SSX1: variants seen among roughly 807,000 people sequenced by gnomAD.
SSX1 encodes the protein SSX family member 1.
Under a neutral mutation model 14.6 loss-of-function variants are expected in SSX1, and 58 were observed. The observed-to-expected ratio is 3.96, with a 90% CI of 3.21 to 4.93. SSX1 has a LOEUF of 4.93. Among genes scored for constraint, SSX1 ranks in the 30% most tolerant of loss-of-function variants. The pLI is 0.00. For missense variants in SSX1, 272 were observed against 143.1 expected (o/e 1.90, Z -4.60); for synonymous variants, 46 against 52.1 (o/e 0.88, Z 0.50).
At chrX:48,255,506 C>T (rs1389795939) in intron 1 of SSX1, 74 bp downstream of exon 1, 2 of 109,729 alleles carry the variant, frequency 1.8e-5, no homozygotes, top group African/African-American at 6.6e-5. Flanking sequence ...TCTGTAGGGC[C>T]GTCAAGTGCT....
In SSX1 at chrX:48,263,887, A is replaced by G. The variant is rs1556935969; in HGVS notation, c.436A>G (p.Asn146Asp). 2.5e-6 allele frequency: 3 copies of G among 1,211,451 alleles called. No homozygotes were observed. The highest frequency in any genetic ancestry group is 1.8e-5 in the South Asian group (1 of 56,909). The change falls in exon 6 of 8, where the codon AAT becomes GAT. Residue 146 changes from asparagine to aspartate, a missense_variant. Transcript: ENST00000376919. Reference sequence around the variant, plus strand: ...ACAACTGCACCCCCCAGGAAAAGCAAATATTTCTGAGAAGATTAATAAGAG... The same window carrying G: ...ACAACTGCACCCCCCAGGAAAAGCAGATATTTCTGAGAAGATTAATAAGAG... ...GKQLHPPGKA[N>D]ISEKINKRSG...
At chrX:48,262,575 C>T (rs1367863935) in intron 5 of SSX1, among the ~76,000 whole-genome samples, 8 of 111,036 alleles carry the variant, frequency 7.2e-5, no homozygotes, top group Non-Finnish European at 1.3e-4. Flanking sequence ...CTGGGGCATC[C>T]GAGAAGCCCC....
chrX:48,262,275 C>G (rs1198428183), intron 5 of SSX1, among the ~76,000 whole-genome samples: 1 of 112,135 alleles, frequency 8.9e-6, no homozygotes, highest in African/African-American at 3.2e-5. Context: ...ATGAGGCTAT[C>G]GGGGTACAGA....
intron 3 of SSX1, 30 bp from the exon 4 acceptor site, chrX:48,258,506 T>G: frequency 8.8e-7 from 1 of 1,138,518 alleles, no homozygotes; most frequent in Non-Finnish European, 1.2e-6. Context: ...AGTTTGTCCC[T>G]TAAGGAATAA....
intron 4 of SSX1, among the ~76,000 whole-genome samples, 191 bp from the exon 5 acceptor site, chrX:48,261,575 A>T (rs112698905): frequency 3.2e-4 from 36 of 112,355 alleles, no homozygotes; most frequent in African/African-American, 1.1e-3. Context: ...TGTGATGTAA[A>T]ATTCTGAATT....
At chrX:48,266,615 A>T (rs1259959834) in intron 7 of SSX1, among the ~76,000 whole-genome samples, 9 of 111,977 alleles carry the variant, frequency 8.0e-5, no homozygotes, top group African/African-American at 2.6e-4. Context: ...CCCAAACCCC[A>T]GGTCAGCCCT....
At chrX:48,257,906 A>G in intron 3 of SSX1, 46 bp downstream of exon 3, 2 of 841,207 alleles carry the variant, frequency 2.4e-6, no homozygotes, top group South Asian at 4.7e-5. Context: ...ATACATGAGC[A>G]TCCCTTTTCC....
rs1452292339 is a variant in SSX1 at position 48,264,809 on chromosome X, A to G, written c.466+892A>G. Among the ~76,000 whole-genome samples, 4 of 112,826 alleles carry G rather than the reference A, an allele frequency of 3.5e-5. No individual in the cohort carries two copies. In the Admixed American group the frequency reaches 3.8e-4, roughly 11 times the overall value. On this transcript the variant is annotated intron_variant, in intron 6 of 7. Transcript: ENST00000376919. Reference sequence around the variant, plus strand: ...GTTTTAGATGGCATCTACTTCCGATAAAAGGCTGTTTAATCTATATTGAAA... The same window carrying G: ...GTTTTAGATGGCATCTACTTCCGATGAAAGGCTGTTTAATCTATATTGAAA...
intron 1 of SSX1, among the ~76,000 whole-genome samples, 199 bp downstream of exon 1, chrX:48,255,631 GT>G (rs1224585882): frequency 0.034 from 2,895 of 84,563 alleles, 67 homozygotes; most frequent in African/African-American, 0.072. Flanking sequence ...TCCCACCCCT[GT>G]TTTTTTTTTT....
chrX:48,266,853 G>C lies in SSX1; in HGVS notation c.*5-1G>C. 2 of 1,068,783 alleles carry C rather than the reference G, an allele frequency of 1.9e-6. No homozygotes were observed. Among genetic ancestry groups the C allele is most frequent in the Non-Finnish European group, 2.6e-6 (2 of 779,055 alleles). 88.1% of individuals were successfully genotyped at this position (1,068,783 alleles called of 1,213,427 possible). A position where few individuals can be genotyped will look rare whatever the true frequency, so the allele number is the denominator to read the frequency against. On this transcript the variant is annotated splice_acceptor_variant, in intron 7 of 7. Transcript: ENST00000376919. LOFTEE classifies it low-confidence loss of function (3UTR_SPLICE). ...ACTTTCCTTCCCTCTTCTCGCCTCA[G>C]CCTGGGGGATACGACACATGCCCTT...
chrX:48,265,754 T>A (rs2059620713), intron 6 of SSX1, among the ~76,000 whole-genome samples: 1 of 111,912 alleles, frequency 8.9e-6, no homozygotes, highest in African/African-American at 3.2e-5. Flanking sequence ...ATATCTCACG[T>A]ACCCTATAAG....
rs2059627126 is a variant in SSX1 at position 48,267,177 on chromosome X, G to A, written c.*328G>A. 3.0e-6 allele frequency: 1 copy of A among 331,167 alleles called. No homozygotes were observed. Among genetic ancestry groups the A allele is most frequent in the Non-Finnish European group, 5.4e-6 (1 of 184,692 alleles). 27.3% of individuals were successfully genotyped at this position (331,167 alleles called of 1,213,427 possible). ...TGTCAGGTATTCTCTCCATAGAACA[G>A]CACTATCCTCATCTCTCCCCAGATG... On this transcript the variant is annotated 3_prime_UTR_variant, in exon 8 of 8. Coordinates refer to ENST00000376919, the MANE Select transcript of SSX1 (RefSeq NM_005635.4).
intron 5 of SSX1, 72 bp downstream of exon 5, chrX:48,261,887 G>A: frequency 8.8e-7 from 1 of 1,142,004 alleles, no homozygotes; most frequent in Non-Finnish European, 1.2e-6. Context: ...GATAAGACAG[G>A]GAGAATATCA....
chrX:48,259,963 AC>A (rs1469437199), intron 4 of SSX1, among the ~76,000 whole-genome samples: 1 of 102,940 alleles, frequency 9.7e-6, no homozygotes, highest in East Asian at 3.0e-4. Flanking sequence ...TTGGGTATAT[AC>A]CCAGTAATGG....
Position 48,257,771 on chromosome X carries a change from T to C in SSX1, c.95T>C (p.Phe32Ser). ...GCCTTTGATGATATTGCCACATACT[T>C]CTCTAAGAAAGAGTGGAAAAAGATG... ...SKAFDDIATY[F>S]SKKEWKKMKY... is the part of the protein sequence containing the mutation. Residue 32 changes from phenylalanine (F) to serine (S), a missense_variant, in exon 3 of 8, where the codon TTC becomes TCC. Phe to Ser is a radical substitution (Grantham distance 155, BLOSUM62 -2). Transcript: ENST00000376919. 1 of 1,206,105 alleles carries C rather than the reference T, an allele frequency of 8.3e-7. No individual in the cohort carries two copies.
chrX:48,263,955 T>C, intron 6 of SSX1, 38 bp downstream of exon 6: 1 of 1,201,597 alleles, frequency 8.3e-7, no homozygotes, highest in South Asian at 1.8e-5. Context: ...TCTCTGGCTT[T>C]TCTGGCTATG....
chrX:48,266,826 T>C (rs1394422217), intron 7 of SSX1, 28 bp from the exon 8 acceptor site: 4 of 955,220 alleles, frequency 4.2e-6, no homozygotes, highest in Non-Finnish European at 5.9e-6. Flanking sequence ...TCGCTGTCAC[T>C]TACTTTCCTT....
chrX:48,258,586 T>G lies in SSX1; in HGVS notation c.235T>G (p.Phe79Val). ...CATGTGTAATAAACAGGCCACAGAC[T>G]TCCAGGGGAATGATTTTGATAATGA... ...PFMCNKQATD[F>V]QGNDFDNDHN... Residue 79 changes from phenylalanine to valine, a missense_variant, in exon 4 of 8, where the codon TTC (phenylalanine) becomes GTC (valine). Physicochemically the swap from Phe to Val is conservative, Grantham distance 50 (BLOSUM62 -1). Coordinates refer to ENST00000376919, the MANE Select transcript of SSX1 (RefSeq NM_005635.4). 8.3e-7 allele frequency: 1 copy of G among 1,209,528 alleles called. No individual in the cohort carries two copies. The highest frequency in any genetic ancestry group is 3.0e-5 in the East Asian group (1 of 33,780).
rs5013456 is a variant in SSX1, at chrX:48,266,983, C to T, written c.*134C>T. 9 of 748,373 alleles carry T rather than the reference C, an allele frequency of 1.2e-5. No homozygotes were observed. Among genetic ancestry groups the T allele is most frequent in the Non-Finnish European group, 1.8e-5 (9 of 496,528 alleles). The allele number at this position is 748,373 out of a possible 1,213,427, so 61.7% of individuals were successfully genotyped here. A position where few individuals can be genotyped will look rare whatever the true frequency, so the allele number is the denominator to read the frequency against. On this transcript the variant is annotated 3_prime_UTR_variant, in exon 8 of 8. Coordinates refer to ENST00000376919, the MANE Select transcript of SSX1 (RefSeq NM_005635.4). ...AAAGCAAGTGTTCACAACGGTGAAACTTGAGCGTCATTTTTCTTAGTGTGC... is the reference window on the plus strand; with the variant it reads ...AAAGCAAGTGTTCACAACGGTGAAATTTGAGCGTCATTTTTCTTAGTGTGC...
Sources: gnomAD v4.1 joint callset for allele counts (sites outside exome capture counted in the v4.1 genomes callset) on GRCh38, gnomAD v4.1.1 for gene constraint, MANE v1.5 for transcripts, NCBI Gene and HGNC (gene_info 2026-07-23, HGNC 2026-07-21) for gene names.